Variants in NTNG2 observed in about 807,000 individuals in gnomAD.
The protein encoded by NTNG2 is netrin-G2.
NTNG2 carries 15 observed loss-of-function variants against 47.6 expected under a neutral mutation model. The observed-to-expected ratio is 0.32, with a 90% CI of 0.21 to 0.49. The LOEUF (loss-of-function observed/expected upper bound fraction) is 0.49. NTNG2 is among the 20% of genes least tolerant of loss of function. The pLI is 0.99. For missense variants in NTNG2, 578 were observed against 764.6 expected, an observed-to-expected ratio of 0.76 and a Z score of 2.88; for synonymous variants, 307 against 324.6, an observed-to-expected ratio of 0.95 and a Z score of 0.58.
chr9:132,237,426 G>A (rs1431141181), intron 5 of NTNG2, among the ~76,000 whole-genome samples: 1 of 152,154 alleles, frequency 6.6e-6, no homozygotes, highest in Non-Finnish European at 1.5e-5. Context: ...CCAAGCTGTG[G>A]GCACCCCTGC....
intron 2 of NTNG2, among the ~76,000 whole-genome samples, chr9:132,171,769 C>T (rs557104830): frequency 6.6e-6 from 1 of 152,358 alleles, no homozygotes; most frequent in East Asian, 1.9e-4. Context: ...AGACACTCTG[C>T]CTCCTGCCAG....
Position 132,226,945 on chromosome 9 carries a change from G to A in NTNG2, c.954G>A (p.Lys318=). The part of the protein sequence containing the change: ...EHNTTGPDCG[K]CKKNFRTRSW... The stretch of plus-strand genomic sequence containing the variant: ...ACACCACCGGCCCCGACTGCGGCAA[G>A]TGCAAGAAGAATTTCCGCACCCGGT... The change falls in exon 4 of 8, where the codon AAG becomes AAA. Residue 318 remains lysine (K), a synonymous_variant. Transcript: ENST00000393229. The surrounding 1 kb of genome is among the most constrained non-coding windows in gnomAD (Gnocchi z 4.8). 2 of 1,612,836 alleles carry A rather than the reference G, an allele frequency of 1.2e-6. No individual in the cohort carries two copies. Among genetic ancestry groups the A allele is most frequent in the East Asian group, 2.2e-5 (1 of 44,848 alleles).
rs145822712 is a variant in NTNG2 at position 132,226,501 on chromosome 9, G to T, written c.858-348G>T. ...ACCCATCAACCCACATCAGTCAAAGGCTAGGGTGATCAGAAGCTGCATTAC... is the reference window on the plus strand; with the variant it reads ...ACCCATCAACCCACATCAGTCAAAGTCTAGGGTGATCAGAAGCTGCATTAC... On this transcript the variant is annotated intron_variant, in intron 3 of 7. Coordinates refer to ENST00000393229, the MANE Select transcript of NTNG2 (RefSeq NM_032536.4). The surrounding 1 kb of genome is among the most constrained non-coding windows in gnomAD (Gnocchi z 4.8). Among the ~76,000 whole-genome samples, 2 of 152,346 alleles carry T rather than the reference G, an allele frequency of 1.3e-5. No individual in the cohort carries two copies. Among genetic ancestry groups the T allele is most frequent in the East Asian group, 3.9e-4 (2 of 5,178 alleles).
intron 2 of NTNG2, among the ~76,000 whole-genome samples, chr9:132,196,592 A>G (rs1838333000): frequency 1.3e-5 from 2 of 152,202 alleles, no homozygotes. Flanking sequence ...TGCTCGGCCT[A>G]GTCATCCCTC....
chr9:132,230,592 G>T lies in NTNG2; in HGVS notation c.1051G>T (p.Gly351Cys). Residue 351 changes from glycine to cysteine, a missense_variant, in exon 5 of 8, where the codon GGC (glycine) becomes TGC (cysteine). Gly to Cys is a radical substitution (Grantham distance 159). Transcript: ENST00000393229. ...PNACATAGSF[G>C]NCECYGHSNR... ...CACAGGTGCCACTGCAGGTTCCTTT[G>T]GCAGTAAGTACACGCCTGGGGAGGG... 6.2e-7 allele frequency: 1 copy of T among 1,605,292 alleles called. No individual in the cohort carries two copies. Among genetic ancestry groups the T allele is most frequent in the Non-Finnish European group, 8.5e-7 (1 of 1,176,064 alleles).
chr9:132,231,726 A>C lies in NTNG2; in HGVS notation c.1054+1131A>C. ...CACAGCCATGACAGGGGCCCCTACT[A>C]CTCCTGTCCCCTCCACGTCCACTGC... On this transcript the variant is annotated intron_variant, in intron 5 of 7. Transcript: ENST00000393229. The surrounding 1 kb of genome is among the most constrained non-coding windows in gnomAD (Gnocchi z 4.1). 5 of 187,072 alleles carry C rather than the reference A, an allele frequency of 2.7e-5. No individual in the cohort carries two copies. Among genetic ancestry groups the C allele is most frequent in the Admixed American group, 1.1e-4 (2 of 17,410 alleles). The allele number at this position is 187,072 out of a possible 1,614,324, so 11.6% of individuals were successfully genotyped here. A position where few individuals can be genotyped will look rare whatever the true frequency, so the allele number is the denominator to read the frequency against.
At chr9:132,227,143 A>G (rs1375663726) in intron 4 of NTNG2, 122 bp downstream of exon 4, 3 of 1,064,590 alleles carry the variant, frequency 2.8e-6, no homozygotes, top group South Asian at 1.7e-5. Context: ...ACGTGTGCAC[A>G]TGCATGCAAA....
In NTNG2 at chr9:132,215,397, G is replaced by A. The variant is rs1276832042; in HGVS notation, c.858-11452G>A. Reference sequence around the variant, plus strand: ...GGAGTTTGAGACCAGCCTGGCCAACGTGGTGAAACCCCATCTCTACTAAAA... The same window carrying A: ...GGAGTTTGAGACCAGCCTGGCCAACATGGTGAAACCCCATCTCTACTAAAA... On this transcript the variant is annotated intron_variant, in intron 3 of 7. Transcript: ENST00000393229. The surrounding 1 kb of genome is among the most constrained non-coding windows in gnomAD (Gnocchi z 4.2). 8.6e-5 allele frequency among the ~76,000 whole-genome samples: 13 copies of A among 151,990 alleles called. No individual in the cohort carries two copies. The highest frequency in any genetic ancestry group is 3.9e-4 in the Admixed American group (6 of 15,252).
chr9:132,217,534 G>A (rs1840070607), intron 3 of NTNG2, among the ~76,000 whole-genome samples: 1 of 152,224 alleles, frequency 6.6e-6, no homozygotes, highest in East Asian at 1.9e-4. Flanking sequence ...CTGTGAAATA[G>A]AGATAGTCAT....
Position 132,239,279 on chromosome 9 carries a change from G to T in NTNG2, c.1222+8G>T, listed in dbSNP as rs745419365. Reference sequence around the variant, plus strand: ...ATGAGAACGTCTGCATTGGTGAGAGGGCACGGACACGGCACAGGGAACTTG... The same window carrying T: ...ATGAGAACGTCTGCATTGGTGAGAGTGCACGGACACGGCACAGGGAACTTG... On this transcript the variant is annotated splice_region_variant and intron_variant, in intron 6 of 7. Coordinates refer to ENST00000393229, the MANE Select transcript of NTNG2 (RefSeq NM_032536.4). 6.2e-7 allele frequency: 1 copy of T among 1,613,318 alleles called. No individual in the cohort carries two copies. Among genetic ancestry groups the T allele is most frequent in the Non-Finnish European group, 8.5e-7 (1 of 1,179,980 alleles).
chr9:132,175,988 T>C (rs1004651586), intron 2 of NTNG2, among the ~76,000 whole-genome samples: 4 of 152,198 alleles, frequency 2.6e-5, no homozygotes, highest in African/African-American at 9.7e-5. Flanking sequence ...GCAATAATCA[T>C]TTTAAAAAAG....
intron 2 of NTNG2, among the ~76,000 whole-genome samples, chr9:132,192,297 G>A (rs907924217): frequency 6.6e-6 from 1 of 152,190 alleles, no homozygotes; most frequent in African/African-American, 2.4e-5. Context: ...TTCCCCCAGT[G>A]AAGAATAGAA....
chr9:132,239,045 C>T, intron 5 of NTNG2, 59 bp from the exon 6 acceptor site: 1 of 1,551,932 alleles, frequency 6.4e-7, no homozygotes, highest in South Asian at 1.1e-5. Context: ...CTCGCCCTGT[C>T]CCTCAGTTTC....
At chr9:132,189,803 C>A (rs369763043) in intron 2 of NTNG2, among the ~76,000 whole-genome samples, 5 of 151,946 alleles carry the variant, frequency 3.3e-5, no homozygotes, top group African/African-American at 1.2e-4. Flanking sequence ...CTATGCCCAA[C>A]TAATTATTTA....
chr9:132,232,091 G>C (rs990176282), intron 5 of NTNG2: 1 of 152,324 alleles, frequency 6.6e-6, no homozygotes, highest in Non-Finnish European at 1.5e-5. Flanking sequence ...ATTGTGGCCA[G>C]ACGGCTGCAG....
intron 3 of NTNG2, among the ~76,000 whole-genome samples, chr9:132,203,148 G>A (rs1838911745): frequency 6.6e-6 from 1 of 151,994 alleles, no homozygotes; most frequent in Non-Finnish European, 1.5e-5. Context: ...CACAGGGGTT[G>A]CAATCCCAAA....
At position 132,215,078 on chromosome 9, in the gene NTNG2, G is replaced by GT. The variant is rs1491094133; in HGVS notation, c.858-11771_858-11770insT. Reference sequence around the variant, plus strand: ...TTTTTTTAATTTTTTTGTAGAGATTGGGGGGGGGGGTCTCACTTTCTTGCC... The same window carrying GT: ...TTTTTTTAATTTTTTTGTAGAGATTGTGGGGGGGGGGTCTCACTTTCTTGCC... On this transcript the variant is annotated intron_variant, in intron 3 of 7. Coordinates refer to ENST00000393229, the MANE Select transcript of NTNG2 (RefSeq NM_032536.4). The surrounding 1 kb of genome is among the most constrained non-coding windows in gnomAD (Gnocchi z 4.2). Among the ~76,000 whole-genome samples the GT allele has an allele frequency of 8.7e-5, 2 of 23,012 alleles. No individual in the cohort carries two copies. The highest frequency in any genetic ancestry group is 1.2e-3 in the East Asian group (1 of 828). 15.1% of individuals were successfully genotyped at this position (23,012 alleles called of 152,430 possible).
intron 2 of NTNG2, among the ~76,000 whole-genome samples, chr9:132,173,045 G>C (rs1316388879): frequency 6.6e-6 from 1 of 152,150 alleles, no homozygotes; most frequent in African/African-American, 2.4e-5. Context: ...GAGTCTTGAA[G>C]GAAAAACTGG....
At chr9:132,179,846 G>T (rs73561511) in intron 2 of NTNG2, among the ~76,000 whole-genome samples, 9,781 of 152,250 alleles carry the variant, frequency 0.064, 738 homozygotes, top group African/African-American at 0.18. Flanking sequence ...TCACACAGGA[G>T]TTCGAATGGT....
Sources: gnomAD v4.1 joint callset for allele counts (sites outside exome capture counted in the v4.1 genomes callset) on GRCh38, gnomAD v4.1.1 for gene constraint, Gnocchi (gnomAD v3.1) non-coding constraint, MANE v1.5 for transcripts, NCBI Gene and HGNC (gene_info 2026-07-23, HGNC 2026-07-21) for gene names.